The following JAKMIP2 variants were observed in gnomAD, a reference collection of about 807,000 sequenced individuals.
JAKMIP2 encodes the protein janus kinase and microtubule-interacting protein 2.
In JAKMIP2, 25 loss-of-function variants were observed where a neutral mutation model predicts 115.0. The ratio of observed to expected loss-of-function variants is 0.22; its 90% CI spans 0.16 to 0.30. The LOEUF (loss-of-function observed/expected upper bound fraction) is 0.30, where lower values mean the gene tolerates loss of function less well. Among genes scored for constraint, JAKMIP2 ranks in the 10% least tolerant of loss-of-function variants. The pLI is 1.00. For synonymous variants in JAKMIP2, 334 were observed against 343.6 expected, an observed-to-expected ratio of 0.97 and a Z score of 0.31; for missense variants, 642 against 957.6, an observed-to-expected ratio of 0.67 and a Z score of 4.35.
intron 1 of JAKMIP2, among the ~76,000 whole-genome samples, chr5:147,772,320 A>G (rs541953470): frequency 1.3e-5 from 2 of 151,198 alleles, no homozygotes; most frequent in Admixed American, 1.3e-4. Flanking sequence ...CAGATAATTC[A>G]TTTTTAGCAA....
intron 1 of JAKMIP2, among the ~76,000 whole-genome samples, chr5:147,716,798 C>T (rs1753020832): frequency 1.4e-5 from 2 of 147,234 alleles, no homozygotes; most frequent in South Asian, 4.4e-4. Context: ...TGTAGGTTGC[C>T]TGTTCACTCT....
intron 21 of JAKMIP2, chr5:147,595,553 T>G: frequency 2.2e-6 from 1 of 454,732 alleles, no homozygotes; most frequent in Non-Finnish European, 4.4e-6. Flanking sequence ...GAGCAATACA[T>G]TACTATTACT....
At chr5:147,704,559 G>A (rs1433018837) in intron 1 of JAKMIP2, among the ~76,000 whole-genome samples, 1 of 152,230 alleles carries the variant, frequency 6.6e-6, no homozygotes, top group East Asian at 1.9e-4. Flanking sequence ...AACATTAGAG[G>A]CAGAGCAAGG....
intron 1 of JAKMIP2, among the ~76,000 whole-genome samples, chr5:147,781,081 A>G (rs1755739607): frequency 6.6e-6 from 1 of 152,158 alleles, no homozygotes; most frequent in East Asian, 1.9e-4. Context: ...CCCAGTAAGC[A>G]TTTGTAAATT....
chr5:147,618,698 T>C (rs1463024917), intron 18 of JAKMIP2, among the ~76,000 whole-genome samples: 1 of 152,130 alleles, frequency 6.6e-6, no homozygotes, highest in East Asian at 1.9e-4. Context: ...AGATCACGCA[T>C]TGCACTCTGG....
intron 19 of JAKMIP2, among the ~76,000 whole-genome samples, chr5:147,617,528 G>A (rs1454008720): frequency 4.6e-5 from 7 of 152,024 alleles, no homozygotes; most frequent in Admixed American, 1.3e-4. Flanking sequence ...TACACTATTC[G>A]GATTATTATC....
intron 20 of JAKMIP2, among the ~76,000 whole-genome samples, chr5:147,610,894 A>T (rs912931595): frequency 6.6e-6 from 1 of 152,194 alleles, no homozygotes; most frequent in African/African-American, 2.4e-5. Flanking sequence ...GAGAGGAGGA[A>T]TCTAGACAGG....
At chr5:147,689,419 G>C (rs1208977289) in intron 1 of JAKMIP2, among the ~76,000 whole-genome samples, 1 of 152,174 alleles carries the variant, frequency 6.6e-6, no homozygotes, top group African/African-American at 2.4e-5. Context: ...TGAGCATAAG[G>C]GTGGAATTAA....
At chr5:147,662,402 C>T (rs945040042) in intron 2 of JAKMIP2, among the ~76,000 whole-genome samples, 7 of 152,112 alleles carry the variant, frequency 4.6e-5, no homozygotes, top group South Asian at 4.2e-4. Flanking sequence ...TCAGGAATTC[C>T]GGTTTAAAAC....
At position 147,702,463 on chromosome 5, in the gene JAKMIP2, A is replaced by AAGGAAGGAAGGAAGGAAGGAAGGG. The variant is rs575947613; in HGVS notation, c.-148-30510_-148-30509insCCCTTCCTTCCTTCCTTCCTTCCT. On this transcript the variant is annotated intron_variant, in intron 1 of 21. Transcript: ENST00000616793. ...GTAGGAAGGAAGGAAGGAAGGAAGG[A>AAGGAAGGAAGGAAGGAAGGAAGGG]AGGGAGGGAGGGAAGGAAGAGAAAA... Among the ~76,000 whole-genome samples, 117 of 121,168 alleles carry AAGGAAGGAAGGAAGGAAGGAAGGG rather than the reference A, an allele frequency of 9.7e-4. 1 individual carries two copies. The highest frequency in any genetic ancestry group is 3.7e-3 in the African/African-American group (104 of 27,978). 79.5% of individuals were successfully genotyped at this position (121,168 alleles called of 152,430 possible).
chr5:147,696,042 A>T (rs1561543898), intron 1 of JAKMIP2, among the ~76,000 whole-genome samples: 1 of 152,290 alleles, frequency 6.6e-6, no homozygotes, highest in East Asian at 1.9e-4. Flanking sequence ...ACCAGCCTTA[A>T]CTTTCCTTAT....
In JAKMIP2 at chr5:147,590,796, G is replaced by C. The variant is rs1755066681; in HGVS notation, c.*911C>G. On this transcript the variant is annotated 3_prime_UTR_variant, in exon 22 of 22. Coordinates refer to ENST00000616793, the MANE Select transcript of JAKMIP2 (RefSeq NM_001270941.2). ...TGGCGTTCTAAACAGAACTAAGTCAGGGAGCATGTGATTTACAGTATCATC... is the reference window on the plus strand; with the variant it reads ...TGGCGTTCTAAACAGAACTAAGTCACGGAGCATGTGATTTACAGTATCATC... 6.6e-6 allele frequency: 1 copy of C among 152,154 alleles called. No homozygotes were observed. Among genetic ancestry groups the C allele is most frequent in the Admixed American group, 6.5e-5 (1 of 15,278 alleles). 9.4% of individuals were successfully genotyped at this position (152,154 alleles called of 1,614,324 possible).
At chr5:147,778,120 C>T (rs1461053931) in intron 1 of JAKMIP2, among the ~76,000 whole-genome samples, 1 of 151,814 alleles carries the variant, frequency 6.6e-6, no homozygotes, top group African/African-American at 2.4e-5. Flanking sequence ...TGGTCACCTC[C>T]CAACCTCTAT....
chr5:147,736,701 T>A (rs1753937554), intron 1 of JAKMIP2, among the ~76,000 whole-genome samples: 1 of 152,148 alleles, frequency 6.6e-6, no homozygotes, highest in Middle Eastern at 3.2e-3. Flanking sequence ...GATATTTATA[T>A]GTTGGTTTCA....
intron 1 of JAKMIP2, among the ~76,000 whole-genome samples, chr5:147,740,668 C>A (rs1226274618): frequency 6.6e-6 from 1 of 152,192 alleles, no homozygotes; most frequent in Non-Finnish European, 1.5e-5. Context: ...CTCTCATCTT[C>A]CTGGAATCCC....
chr5:147,731,253 G>T (rs192164535), intron 1 of JAKMIP2, among the ~76,000 whole-genome samples: 26 of 152,158 alleles, frequency 1.7e-4, no homozygotes, highest in African/African-American at 5.5e-4. Flanking sequence ...AAGAAATCAT[G>T]AAAGATGAAA....
chr5:147,729,773 C>CA (rs368040956), intron 1 of JAKMIP2, among the ~76,000 whole-genome samples: 1,982 of 83,674 alleles, frequency 0.024, 30 homozygotes, highest in African/African-American at 0.053. Context: ...GACTCTGTCT[C>CA]AAAAAAAAAA....
At chr5:147,630,507 T>C (rs1302970918) in intron 14 of JAKMIP2, among the ~76,000 whole-genome samples, 1 of 152,198 alleles carries the variant, frequency 6.6e-6, no homozygotes, top group Non-Finnish European at 1.5e-5. Flanking sequence ...TGGTTTAAGA[T>C]GGAAGGCAAG....
At chr5:147,648,905 G>A (rs1218551016) in intron 4 of JAKMIP2, among the ~76,000 whole-genome samples, 1 of 152,178 alleles carries the variant, frequency 6.6e-6, no homozygotes, top group East Asian at 1.9e-4. Flanking sequence ...AGAGGGGAGA[G>A]AGTAGGAGGT....
Sources: gnomAD v4.1 joint callset for allele counts (sites outside exome capture counted in the v4.1 genomes callset) on GRCh38, gnomAD v4.1.1 for gene constraint, MANE v1.5 for transcripts, NCBI Gene and HGNC (gene_info 2026-07-23, HGNC 2026-07-21) for gene names.